Variants in FAM13A observed in about 807,000 individuals in gnomAD.
FAM13A encodes the protein family with sequence similarity 13 member A.
Under a neutral mutation model 129.6 loss-of-function variants are expected in FAM13A, and 76 were observed. The ratio of observed to expected loss-of-function variants is 0.59; its 90% CI spans 0.49 to 0.71. The LOEUF (loss-of-function observed/expected upper bound fraction) is 0.71. FAM13A is among the 30% of genes least tolerant of loss of function. FAM13A has a pLI of 0.00. For missense variants in FAM13A, 1,108 were observed against 1,249.3 expected, an observed-to-expected ratio of 0.89 and a Z score of 1.70; for synonymous variants, 443 against 449.9, an observed-to-expected ratio of 0.98 and a Z score of 0.20.
intron 3 of FAM13A, among the ~76,000 whole-genome samples, chr4:88,999,803 A>G (rs1385016739): frequency 6.6e-6 from 1 of 152,176 alleles, no homozygotes; most frequent in East Asian, 1.9e-4. Flanking sequence ...GGTGTTCAAA[A>G]CACGGCTTGA....
intron 4 of FAM13A, among the ~76,000 whole-genome samples, chr4:88,955,530 ATGTGACTT>A (rs1248912529): frequency 1.3e-5 from 2 of 152,220 alleles, no homozygotes; most frequent in Middle Eastern, 3.2e-3. Flanking sequence ...AAAAATGTGA[ATGTGACTT>A]TGGAATTGGT....
At chr4:88,983,495 G>C (rs1016161586) in intron 4 of FAM13A, among the ~76,000 whole-genome samples, 8 of 151,900 alleles carry the variant, frequency 5.3e-5, no homozygotes, top group Non-Finnish European at 7.4e-5. Context: ...AAACTATATT[G>C]GTATTAGCAA....
chr4:88,913,526 G>T (rs1365011649), intron 5 of FAM13A, among the ~76,000 whole-genome samples: 1 of 126,304 alleles, frequency 7.9e-6, no homozygotes, highest in East Asian at 2.5e-4. Context: ...AGGAGGAGGA[G>T]GAAGAAGAGG....
intron 7 of FAM13A, among the ~76,000 whole-genome samples, chr4:88,840,333 T>C (rs1269587121): frequency 1.3e-5 from 2 of 152,204 alleles, no homozygotes; most frequent in Admixed American, 6.5e-5. Flanking sequence ...AGCAAGTACA[T>C]ACAATCCTTT....
In FAM13A at chr4:88,881,578, C is replaced by A. The variant is rs776229514; in HGVS notation, c.843+24801G>T. Among the ~76,000 whole-genome samples the A allele has an allele frequency of 1.1e-4, 16 of 152,212 alleles. No homozygotes were observed. The East Asian group carries it at 3.1e-3, about 29-fold the overall frequency. ...TATAACAACACGAGGTTCTTTAACA[C>A]CCCCAAGAGATCATGCTAGCTCACC... is the stretch of plus-strand genomic sequence containing the variant. On this transcript the variant is annotated intron_variant, in intron 6 of 23. Coordinates refer to ENST00000264344, the MANE Select transcript of FAM13A (RefSeq NM_014883.4).
At chr4:88,830,490 C>A (rs1733718159) in intron 7 of FAM13A, among the ~76,000 whole-genome samples, 1 of 152,092 alleles carries the variant, frequency 6.6e-6, no homozygotes, top group African/African-American at 2.4e-5. Flanking sequence ...ACAATAAAAT[C>A]ATCATAATTT....
chr4:88,820,271 T>C (rs1731635625), intron 7 of FAM13A, among the ~76,000 whole-genome samples: 1 of 152,196 alleles, frequency 6.6e-6, no homozygotes, highest in African/African-American at 2.4e-5. Flanking sequence ...ATTATCCATC[T>C]AGGCACATCT....
intron 3 of FAM13A, among the ~76,000 whole-genome samples, chr4:89,006,672 GC>G (rs1765070861): frequency 1.3e-5 from 2 of 152,302 alleles, no homozygotes; most frequent in Admixed American, 1.3e-4. Flanking sequence ...TTTACACCCT[GC>G]CCTCTTGGTA....
At chr4:89,019,761 CAAA>C (rs61682568) in intron 3 of FAM13A, among the ~76,000 whole-genome samples, 1 of 57,798 alleles carries the variant, frequency 1.7e-5, no homozygotes, top group South Asian at 4.8e-4. Context: ...AACTACATCT[CAAA>C]AAAAAAAAAA....
chr4:88,999,342 T>C (rs1373240727), intron 3 of FAM13A, among the ~76,000 whole-genome samples: 4 of 152,102 alleles, frequency 2.6e-5, no homozygotes. Flanking sequence ...ATATCTACAA[T>C]AAAGGTTAGA....
At chr4:88,991,908 C>T (rs1295733027) in intron 3 of FAM13A, among the ~76,000 whole-genome samples, 1 of 152,154 alleles carries the variant, frequency 6.6e-6, no homozygotes, top group East Asian at 1.9e-4. Context: ...AGATCCCCAC[C>T]CTTCCTATCT....
chr4:88,811,499 C>T (rs1042305647), intron 7 of FAM13A, among the ~76,000 whole-genome samples: 6 of 151,378 alleles, frequency 4.0e-5, no homozygotes, highest in Admixed American at 1.3e-4. Context: ...CAGCTAGTGC[C>T]AGCTCTGAAT....
chr4:88,968,937 C>T (rs1019004827), intron 4 of FAM13A, among the ~76,000 whole-genome samples: 1 of 152,084 alleles, frequency 6.6e-6, no homozygotes, highest in African/African-American at 2.4e-5. Context: ...TACACTTTAA[C>T]TAAGGGGGTA....
chr4:88,987,766 C>T lies in FAM13A; in HGVS notation c.605+3207G>A, dbSNP rs182873540. The stretch of plus-strand genomic sequence containing the variant: ...CTGAGGCAGGAGAATGGCGTGAACC[C>T]GGGAGGCGGAGCTTGCAGTGAGCCA... On this transcript the variant is annotated intron_variant, in intron 4 of 23. Coordinates refer to ENST00000264344, the MANE Select transcript of FAM13A (RefSeq NM_014883.4). Among the ~76,000 whole-genome samples, 773 of 134,690 alleles carry T rather than the reference C, an allele frequency of 5.7e-3. 13 individuals carry two copies. The highest frequency in any genetic ancestry group is 0.02 in the African/African-American group (700 of 35,540). 88.4% of individuals were successfully genotyped at this position (134,690 alleles called of 152,430 possible). A position where few individuals can be genotyped will look rare whatever the true frequency, so the allele number is the denominator to read the frequency against.
At chr4:88,863,558 G>C (rs1739878505) in intron 6 of FAM13A, among the ~76,000 whole-genome samples, 1 of 152,174 alleles carries the variant, frequency 6.6e-6, no homozygotes, top group South Asian at 2.1e-4. Flanking sequence ...TAGCCACTTT[G>C]TCAGAAGTAC....
chr4:88,938,372 T>G (rs1197827865), intron 4 of FAM13A, 131 bp from the exon 5 acceptor site: 2 of 643,500 alleles, frequency 3.1e-6, no homozygotes, highest in East Asian at 5.8e-5. Context: ...TTCAACAAGC[T>G]CTTTGGTAAC....
chr4:89,024,398 T>C (rs1767666485), intron 2 of FAM13A, among the ~76,000 whole-genome samples: 1 of 152,210 alleles, frequency 6.6e-6, no homozygotes, highest in South Asian at 2.1e-4. Flanking sequence ...TAAGTTATAA[T>C]GTATATACCT....
In FAM13A at chr4:88,845,048, G is replaced by C. The variant is rs1409921024; in HGVS notation, c.1007+5972C>G. 2.0e-5 allele frequency among the ~76,000 whole-genome samples: 3 copies of C among 152,248 alleles called. No individual in the cohort carries two copies. The South Asian group carries it at 6.2e-4, about 32-fold the overall frequency. On this transcript the variant is annotated intron_variant, in intron 7 of 23. Transcript: ENST00000264344. ...GAAGACAGAGGCACTGGAATAATTT[G>C]TGTGACAAAAATGAATCCAGTACAT...
rs534371872 is a variant in FAM13A, at chr4:88,940,172, G to A, written c.606-1931C>T. Among the ~76,000 whole-genome samples, 4 of 152,280 alleles carry A rather than the reference G, an allele frequency of 2.6e-5. No homozygotes were observed. In the East Asian group the frequency reaches 7.7e-4, roughly 29 times the overall value. ...ATATCTAAAATGTGGAAGTGGCTTG[G>A]GAACTGGGTAGTGGAAGGAGACTGG... On this transcript the variant is annotated intron_variant, in intron 4 of 23. Transcript: ENST00000264344.
Sources: gnomAD v4.1 joint callset for allele counts (sites outside exome capture counted in the v4.1 genomes callset) on GRCh38, gnomAD v4.1.1 for gene constraint, MANE v1.5 for transcripts, NCBI Gene and HGNC (gene_info 2026-07-23, HGNC 2026-07-21) for gene names.